EPS8: variants seen among roughly 807,000 people sequenced by gnomAD.
The protein encoded by EPS8 is EGFR pathway substrate 8, signaling adaptor, also known as epidermal growth factor receptor kinase substrate 8.
Under a neutral mutation model 103.8 loss-of-function variants are expected in EPS8, and 42 were observed. That is an observed-to-expected ratio of 0.40 (90% CI 0.32 to 0.52). The LOEUF is 0.52. Ranked by LOEUF, EPS8 falls within the 20% of genes least tolerant of loss-of-function variation. The pLI, the probability that EPS8 is intolerant of heterozygous loss-of-function variation, is 0.40. For missense variants in EPS8, 969 were observed against 1,005.1 expected (o/e 0.96, Z 0.49); for synonymous variants, 344 against 344.6 (o/e 1.00, Z 0.02).
Position 15,781,172 on chromosome 12 carries a change from CTG to C in EPS8, c.-22+7987_-22+7988del. ...AACCGTGTTCCATCACCACATACCT[CTG>C]GTCAGTAGGATACAGATGAGTCAAC... On this transcript the variant is annotated intron_variant, in intron 1 of 20. Coordinates refer to ENST00000281172, the MANE Select transcript of EPS8 (RefSeq NM_004447.6). The surrounding 1 kb of genome is among the most constrained non-coding windows in gnomAD (Gnocchi z 4.1). Among the ~76,000 whole-genome samples the C allele has an allele frequency of 6.6e-6, 1 of 152,210 alleles. No homozygotes were observed. The highest frequency in any genetic ancestry group is 1.5e-5 in the Non-Finnish European group (1 of 68,046).
intron 18 of EPS8, among the ~76,000 whole-genome samples, chr12:15,624,838 G>A (rs1043991016): frequency 6.6e-5 from 10 of 152,130 alleles, no homozygotes; most frequent in Non-Finnish European, 4.4e-5. Context: ...GGACATTTGG[G>A]AATATCTGGA....
Position 15,776,228 on chromosome 12 carries a change from G to A in EPS8, c.-22+12933C>T, listed in dbSNP as rs1947205365. 6.6e-6 allele frequency among the ~76,000 whole-genome samples: 1 copy of A among 152,200 alleles called. No homozygotes were observed. Among genetic ancestry groups the A allele is most frequent in the Non-Finnish European group, 1.5e-5 (1 of 68,028 alleles). ...AGAATAATTAGAAAGGGAGGAAGAA[G>A]CAGCTGAAATGATCATAGCTAGAAG... On this transcript the variant is annotated intron_variant, in intron 1 of 20. Transcript: ENST00000281172. The surrounding 1 kb of genome is among the most constrained non-coding windows in gnomAD (Gnocchi z 4.2).
chr12:15,653,060 G>A (rs571472042), intron 13 of EPS8, among the ~76,000 whole-genome samples: 1 of 152,310 alleles, frequency 6.6e-6, no homozygotes, highest in Non-Finnish European at 1.5e-5. Flanking sequence ...TACTACAATT[G>A]TTAATAATCT....
Position 15,747,173 on chromosome 12 carries a change from T to C in EPS8, c.-22+41988A>G, listed in dbSNP as rs571135095. On this transcript the variant is annotated intron_variant, in intron 1 of 20. Transcript: ENST00000281172. The surrounding 1 kb of genome is among the most constrained non-coding windows in gnomAD (Gnocchi z 4.4). Reference sequence around the variant, plus strand: ...CAATAATATATCCTATTTTTCTTGCTAGAGATTATTTGCTGTACACATTTG... The same window carrying C: ...CAATAATATATCCTATTTTTCTTGCCAGAGATTATTTGCTGTACACATTTG... Among the ~76,000 whole-genome samples, 20 of 152,340 alleles carry C rather than the reference T, an allele frequency of 1.3e-4. No individual in the cohort carries two copies. The highest frequency in any genetic ancestry group is 1.3e-3 in the Admixed American group (20 of 15,308).
At chr12:15,667,705 C>A (rs1387522068) in intron 6 of EPS8, among the ~76,000 whole-genome samples, 1 of 151,980 alleles carries the variant, frequency 6.6e-6, no homozygotes, top group Non-Finnish European at 1.5e-5. Flanking sequence ...CAATATTGCA[C>A]AATGAGCCAT....
intron 1 of EPS8, among the ~76,000 whole-genome samples, chr12:15,743,588 A>G (rs969990304): frequency 6.6e-6 from 1 of 152,340 alleles, no homozygotes; most frequent in Middle Eastern, 3.4e-3. Flanking sequence ...AACAGAATAG[A>G]GCCCTGAGAA....
rs1946541012 is a variant in EPS8, at chr12:15,717,123, G to A, written c.-21-34151C>T. Among the ~76,000 whole-genome samples, 1 of 152,222 alleles carries A rather than the reference G, an allele frequency of 6.6e-6. No homozygotes were observed. Among genetic ancestry groups the A allele is most frequent in the Non-Finnish European group, 1.5e-5 (1 of 68,036 alleles). Reference sequence around the variant, plus strand: ...ACAATTTACCTGGAGAGGGACAGGAGATGCAATATGACTTATCTTTGGGAG... The same window carrying A: ...ACAATTTACCTGGAGAGGGACAGGAAATGCAATATGACTTATCTTTGGGAG... On this transcript the variant is annotated intron_variant, in intron 1 of 20. Transcript: ENST00000281172. The surrounding 1 kb of genome is among the most constrained non-coding windows in gnomAD (Gnocchi z 4.3).
intron 18 of EPS8, among the ~76,000 whole-genome samples, chr12:15,625,688 AC>A (rs1403478293): frequency 1.3e-5 from 2 of 152,076 alleles, no homozygotes; most frequent in Non-Finnish European, 2.9e-5. Context: ...CCTCCAGGAT[AC>A]CACAGTCTCC....
At chr12:15,647,857 T>C (rs1055894786) in intron 14 of EPS8, among the ~76,000 whole-genome samples, 2 of 152,144 alleles carry the variant, frequency 1.3e-5, no homozygotes, top group African/African-American at 2.4e-5. Flanking sequence ...TCCCCAACCT[T>C]TTTGGCAGCA....
Position 15,693,162 on chromosome 12 carries a change from T to C in EPS8, c.-21-10190A>G, listed in dbSNP as rs1284352383. 6.6e-6 allele frequency among the ~76,000 whole-genome samples: 1 copy of C among 152,162 alleles called. No homozygotes were observed. The highest frequency in any genetic ancestry group is 6.5e-5 in the Admixed American group (1 of 15,276). ...CCTGCTGGCAGACCCCAGCCATCAG[T>C]GTCTATCGGTCTTTTGCATAGATCA... On this transcript the variant is annotated intron_variant, in intron 1 of 20. Transcript: ENST00000281172. This position sits in a 1 kb window ranked among gnomAD's most constrained non-coding sequence, Gnocchi z 5.6.
At chr12:15,678,732 T>C (rs1945951679) in intron 3 of EPS8, among the ~76,000 whole-genome samples, 2 of 151,934 alleles carry the variant, frequency 1.3e-5, no homozygotes, top group African/African-American at 2.4e-5. Flanking sequence ...ATCACAGGTG[T>C]AAGCAACCCT....
At position 15,776,142 on chromosome 12, in the gene EPS8, T is replaced by G. The variant is rs774295309; in HGVS notation, c.-22+13019A>C. ...AGCAATTTTTCTTTTAAAAGAAATT[T>G]TTGCCCAAGTATTCTCCTTTCCAGT... is the stretch of plus-strand genomic sequence containing the variant. On this transcript the variant is annotated intron_variant, in intron 1 of 20. Coordinates refer to ENST00000281172, the MANE Select transcript of EPS8 (RefSeq NM_004447.6). This position sits in a 1 kb window ranked among gnomAD's most constrained non-coding sequence, Gnocchi z 4.2. Among the ~76,000 whole-genome samples, 1 of 152,184 alleles carries G rather than the reference T, an allele frequency of 6.6e-6. No homozygotes were observed. The highest frequency in any genetic ancestry group is 1.5e-5 in the Non-Finnish European group (1 of 68,032).
At chr12:15,710,803 CATG>C (rs1251870118) in intron 1 of EPS8, among the ~76,000 whole-genome samples, 1 of 152,090 alleles carries the variant, frequency 6.6e-6, no homozygotes, top group East Asian at 1.9e-4. Context: ...AAAAAGACTA[CATG>C]ATAACCTACC....
rs1211326915 is a variant in EPS8, at chr12:15,714,506, G to A, written c.-21-31534C>T. 6.6e-6 allele frequency among the ~76,000 whole-genome samples: 1 copy of A among 152,062 alleles called. No individual in the cohort carries two copies. Reference sequence around the variant, plus strand: ...AAAATTCAGCAATCAGCCAAGCATGGTGGTACACACCAGCAGTCCTAGATG... The same window carrying A: ...AAAATTCAGCAATCAGCCAAGCATGATGGTACACACCAGCAGTCCTAGATG... On this transcript the variant is annotated intron_variant, in intron 1 of 20. Coordinates refer to ENST00000281172, the MANE Select transcript of EPS8 (RefSeq NM_004447.6). The surrounding 1 kb of genome is among the most constrained non-coding windows in gnomAD (Gnocchi z 4.1).
At position 15,769,849 on chromosome 12, in the gene EPS8, C is replaced by A. The variant is rs1947134792; in HGVS notation, c.-22+19312G>T. Among the ~76,000 whole-genome samples the A allele has an allele frequency of 6.6e-6, 1 of 152,062 alleles. No individual in the cohort carries two copies. Among genetic ancestry groups the A allele is most frequent in the Admixed American group, 6.6e-5 (1 of 15,266 alleles). On this transcript the variant is annotated intron_variant, in intron 1 of 20. Coordinates refer to ENST00000281172, the MANE Select transcript of EPS8 (RefSeq NM_004447.6). The surrounding 1 kb of genome is among the most constrained non-coding windows in gnomAD (Gnocchi z 4.6). ...TTTATTATTTCTCAGATGTATTCTG[C>A]AGTTATGCTGATTTTATTCTTAGCA... is the stretch of plus-strand genomic sequence containing the variant.
At chr12:15,671,143 T>A (rs1426643434) in intron 3 of EPS8, among the ~76,000 whole-genome samples, 1 of 152,112 alleles carries the variant, frequency 6.6e-6, no homozygotes, top group Non-Finnish European at 1.5e-5. Flanking sequence ...TGATCCACTA[T>A]CCATTTTTAG....
chr12:15,713,069 A>G lies in EPS8; in HGVS notation c.-21-30097T>C. The G allele has an allele frequency of 2.4e-6, 2 of 827,414 alleles. No homozygotes were observed. Among genetic ancestry groups the G allele is most frequent in the Non-Finnish European group, 2.9e-6 (2 of 685,570 alleles). The allele number at this position is 827,414 out of a possible 1,614,324, so 51.3% of individuals were successfully genotyped here. A position where few individuals can be genotyped will look rare whatever the true frequency, so the allele number is the denominator to read the frequency against. Reference sequence around the variant, plus strand: ...ATTTCCTCCTCTTGTTAAGTAAGTAAACACAGCTACCACTACACTTCCAAC... The same window carrying G: ...ATTTCCTCCTCTTGTTAAGTAAGTAGACACAGCTACCACTACACTTCCAAC... On this transcript the variant is annotated intron_variant, in intron 1 of 20. Transcript: ENST00000281172. The surrounding 1 kb of genome is among the most constrained non-coding windows in gnomAD (Gnocchi z 4.8).
In EPS8 at chr12:15,651,005, C is replaced by T. The variant is rs1411062887; in HGVS notation, c.1252G>A (p.Ala418Thr). ...SLGGTWMKAR[A>T]EWPKEQFIPP... ...ATAAACTGTTCTTTTGGCCACTCTG[C>T]TCTGCAGGAGGGAATGAAGGCATAT... The change falls in exon 14 of 21, where the codon GCA becomes ACA. Residue 418 changes from alanine to threonine, a missense_variant and splice_region_variant. Transcript: ENST00000281172. The T allele has an allele frequency of 2.0e-5, 32 of 1,612,794 alleles. No individual in the cohort carries two copies. Among genetic ancestry groups the T allele is most frequent in the Non-Finnish European group, 2.5e-5 (29 of 1,179,378 alleles).
At chr12:15,744,517 T>A (rs1946856410) in intron 1 of EPS8, among the ~76,000 whole-genome samples, 1 of 152,240 alleles carries the variant, frequency 6.6e-6, no homozygotes, top group African/African-American at 2.4e-5. Context: ...AGAAGGATTC[T>A]CATGACTCTT....
Sources: allele counts gnomAD v4.1 joint callset (sites outside exome capture counted in the v4.1 genomes callset), GRCh38; gene constraint gnomAD v4.1.1; non-coding constraint Gnocchi (gnomAD v3.1); transcripts MANE v1.5; gene names NCBI Gene and HGNC (gene_info 2026-07-23, HGNC 2026-07-21).